INTS6: variants seen among roughly 807,000 people sequenced by gnomAD.
INTS6 encodes DEAD box protein.
INTS6 carries 16 observed loss-of-function variants against 104.9 expected under a neutral mutation model. That is an observed-to-expected ratio of 0.15 (90% CI 0.10 to 0.23). INTS6 has a LOEUF of 0.23. Ranked by LOEUF, INTS6 falls within the 10% of genes least tolerant of loss-of-function variation. The probability of loss-of-function intolerance (pLI) is 1.00; values close to 1 mark genes in which losing one functional copy is unlikely to be tolerated. For missense variants in INTS6, 584 were observed against 1,062.8 expected (o/e 0.55, Z 6.26); for synonymous variants, 324 against 358.7 (o/e 0.90, Z 1.09).
intron 4 of INTS6, chr13:51,402,779 G>T (rs1163974976): frequency 1.3e-5 from 2 of 152,116 alleles, no homozygotes; most frequent in East Asian, 1.9e-4. Context: ...AAAAGAAAAA[G>T]AATAAAACCT....
At position 51,429,387 on chromosome 13, in the gene INTS6, A is replaced by G. The variant is rs191675150; in HGVS notation, c.429+907T>C. Among the ~76,000 whole-genome samples, 43 of 152,258 alleles carry G rather than the reference A, an allele frequency of 2.8e-4. 1 individual carries two copies. The South Asian group carries it at 8.3e-3, about 29-fold the overall frequency. On this transcript the variant is annotated intron_variant, in intron 4 of 17. Coordinates refer to ENST00000311234, the MANE Select transcript of INTS6 (RefSeq NM_012141.3). ...ACCATAGTAAAAACACCTTAAAATT[A>G]AAAAAATCTATTATATTCATTATAC... is the stretch of plus-strand genomic sequence containing the variant.
At chr13:51,429,785 A>AAAAATATAT (rs1156333077) in intron 4 of INTS6, among the ~76,000 whole-genome samples, 2 of 92,380 alleles carry the variant, frequency 2.2e-5, no homozygotes, top group African/African-American at 9.2e-5. Flanking sequence ...AAAAAAAAAA[A>AAAAATATAT]ATATATATAT....
intron 4 of INTS6, among the ~76,000 whole-genome samples, chr13:51,407,848 C>G (rs1593720872): frequency 6.6e-6 from 1 of 151,828 alleles, no homozygotes; most frequent in South Asian, 2.1e-4. Flanking sequence ...AAAAGCTCGT[C>G]TGTACTAAAA....
Position 51,369,311 on chromosome 13 carries a change from C to G in INTS6, c.2105-1G>C. Reference sequence around the variant, plus strand: ...ATCGAATCATTAGTGGTTTCTGAAACTAAAAACAAAGATACGGGGAAAAAA... The same window carrying G: ...ATCGAATCATTAGTGGTTTCTGAAAGTAAAAACAAAGATACGGGGAAAAAA... On this transcript the variant is annotated splice_acceptor_variant, in intron 15 of 17. Coordinates refer to ENST00000311234, the MANE Select transcript of INTS6 (RefSeq NM_012141.3). LOFTEE classifies it high-confidence loss of function. 1 of 1,594,054 alleles carries G rather than the reference C, an allele frequency of 6.3e-7. No individual in the cohort carries two copies. The highest frequency in any genetic ancestry group is 8.6e-7 in the Non-Finnish European group (1 of 1,168,012).
intron 15 of INTS6, among the ~76,000 whole-genome samples, chr13:51,371,372 C>G (rs1332228171): frequency 6.6e-6 from 1 of 152,174 alleles, no homozygotes; most frequent in Non-Finnish European, 1.5e-5. Flanking sequence ...CTCAGCCAGA[C>G]TTTGACTCTA....
At chr13:51,424,005 C>G (rs1027869639) in intron 4 of INTS6, among the ~76,000 whole-genome samples, 1 of 152,014 alleles carries the variant, frequency 6.6e-6, no homozygotes, top group Non-Finnish European at 1.5e-5. Context: ...CATGTGTATT[C>G]TATAAGGCAC....
intron 17 of INTS6, among the ~76,000 whole-genome samples, chr13:51,366,482 C>A (rs888575582): frequency 6.6e-5 from 10 of 152,044 alleles, no homozygotes; most frequent in African/African-American, 2.4e-4. Flanking sequence ...TAACTGCTGA[C>A]GGTTTTAAGA....
chr13:51,346,891 G>T, the INTS6 span: 1 of 644,300 alleles, frequency 1.6e-6, no homozygotes, highest in Non-Finnish European at 2.8e-6. Flanking sequence ...GTAAGATGAA[G>T]AGAGAGACCA....
At chr13:51,347,090 C>T in the INTS6 span, 1 of 1,608,226 alleles carries the variant, frequency 6.2e-7, no homozygotes, top group Non-Finnish European at 8.5e-7. Context: ...ATTTGCTCAG[C>T]TTGTGCTTGT....
intron 7 of INTS6, chr13:51,384,668 A>C (rs1001497803): frequency 4.4e-6 from 2 of 456,696 alleles, no homozygotes; most frequent in Non-Finnish European, 8.8e-6. Context: ...TATTCTTGAT[A>C]TCTTCCCCTC....
At chr13:51,335,671 C>T in the INTS6 span, 6 of 152,170 alleles carry the variant, frequency 3.9e-5, no homozygotes, top group African/African-American at 1.2e-4. Flanking sequence ...TTTGCGCTGG[C>T]GAGGAGTTAA....
the INTS6 span, among the ~76,000 whole-genome samples, chr13:51,337,878 A>T: frequency 1.3e-5 from 2 of 152,346 alleles, no homozygotes; most frequent in African/African-American, 4.8e-5. Flanking sequence ...TCCCAGCAAG[A>T]TAGAAATAAA....
chr13:51,377,445 T>A (rs1955956546), intron 12 of INTS6, among the ~76,000 whole-genome samples: 1 of 152,164 alleles, frequency 6.6e-6, no homozygotes, highest in South Asian at 2.1e-4. Context: ...TTTTCCTATG[T>A]TTTCTTCTAG....
At chr13:51,409,278 T>C (rs1365099603) in intron 4 of INTS6, among the ~76,000 whole-genome samples, 1 of 140,452 alleles carries the variant, frequency 7.1e-6, no homozygotes, top group Non-Finnish European at 1.6e-5. Flanking sequence ...ATAATAATAA[T>C]AATAATAATA....
At chr13:51,445,087 T>A (rs964881297) in intron 3 of INTS6, 6 of 152,176 alleles carry the variant, frequency 3.9e-5, no homozygotes, top group African/African-American at 1.2e-4. Flanking sequence ...ATCAAACTTG[T>A]GTAAATCTCA....
In INTS6 at chr13:51,430,289, C is replaced by G. The variant is rs371349452; in HGVS notation, c.429+5G>C. 3.1e-6 allele frequency: 5 copies of G among 1,611,558 alleles called. No individual in the cohort carries two copies. The South Asian group carries it at 5.5e-5, about 18-fold the overall frequency. ...CATAATCCATGTAATATAAGCACAA[C>G]TTACCTCATCCTGGACTCCACTGGT... On this transcript the variant is annotated splice_donor_5th_base_variant and intron_variant, in intron 4 of 17. Coordinates refer to ENST00000311234, the MANE Select transcript of INTS6 (RefSeq NM_012141.3).
At chr13:51,397,540 A>C (rs1417821953) in intron 4 of INTS6, among the ~76,000 whole-genome samples, 6 of 152,162 alleles carry the variant, frequency 3.9e-5, no homozygotes, top group East Asian at 1.9e-4. Flanking sequence ...ACAGCTCAGG[A>C]GCTCCAGGCC....
At chr13:51,381,002 C>T (rs949011402) in intron 10 of INTS6, among the ~76,000 whole-genome samples, 1 of 151,730 alleles carries the variant, frequency 6.6e-6, no homozygotes, top group African/African-American at 2.4e-5. Flanking sequence ...AGACTGAAAA[C>T]GTTAGGAAAA....
At chr13:51,448,411 G>A (rs919916158) in intron 3 of INTS6, 5 of 152,142 alleles carry the variant, frequency 3.3e-5, no homozygotes, top group African/African-American at 1.2e-4. Context: ...AATGTCTGTA[G>A]GCATGGAATT....
Sources: gnomAD v4.1 joint callset for allele counts (sites outside exome capture counted in the v4.1 genomes callset) on GRCh38, gnomAD v4.1.1 for gene constraint, MANE v1.5 for transcripts, NCBI Gene and HGNC (gene_info 2026-07-23, HGNC 2026-07-21) for gene names.